THSD4: variants seen among roughly 807,000 people sequenced by gnomAD.
THSD4 encodes thrombospondin type-1 domain-containing protein 4.
Under a neutral mutation model 119.0 loss-of-function variants are expected in THSD4, and 69 were observed. The ratio of observed to expected loss-of-function variants is 0.58; its 90% CI spans 0.48 to 0.71. The LOEUF (loss-of-function observed/expected upper bound fraction) is 0.71, where lower values mean the gene tolerates loss of function less well. THSD4 is among the 30% of genes least tolerant of loss of function. The probability of loss-of-function intolerance (pLI) is 0.00; values close to 1 mark genes in which losing one functional copy is unlikely to be tolerated. For missense variants in THSD4, 1,393 were observed against 1,391.1 expected (o/e 1.00, Z -0.02); for synonymous variants, 524 against 540.4 (o/e 0.97, Z 0.42).
At chr15:71,151,162 AG>A (rs1277498043) in intron 2 of THSD4, among the ~76,000 whole-genome samples, 2 of 152,224 alleles carry the variant, frequency 1.3e-5, no homozygotes, top group African/African-American at 4.8e-5. Flanking sequence ...TGAGGGAACG[AG>A]TAGAATTGAC....
intron 7 of THSD4, among the ~76,000 whole-genome samples, chr15:71,502,958 T>TA (rs1487665663): frequency 6.6e-6 from 1 of 152,220 alleles, no homozygotes; most frequent in Non-Finnish European, 1.5e-5. Flanking sequence ...AGACTGAACT[T>TA]AGATACGGTT....
intron 1 of THSD4, among the ~76,000 whole-genome samples, chr15:71,123,960 C>T (rs1423565847): frequency 6.6e-6 from 1 of 152,210 alleles, no homozygotes; most frequent in Non-Finnish European, 1.5e-5. Context: ...TCACATTGCA[C>T]AGTGGGCTCA....
At chr15:71,162,816 TTTAA>T (rs1292830965) in intron 3 of THSD4, among the ~76,000 whole-genome samples, 1 of 152,068 alleles carries the variant, frequency 6.6e-6, no homozygotes, top group Non-Finnish European at 1.5e-5. Flanking sequence ...CTTTGTTCTT[TTTAA>T]TTCTTATTTC....
chr15:71,700,825 ATAAT>A (rs1416318359), intron 8 of THSD4, among the ~76,000 whole-genome samples: 1 of 152,106 alleles, frequency 6.6e-6, no homozygotes, highest in Non-Finnish European at 1.5e-5. Flanking sequence ...CATTAGGATA[ATAAT>A]TATTATTAAA....
chr15:71,414,108 T>G (rs2046725733), intron 7 of THSD4, among the ~76,000 whole-genome samples: 1 of 152,194 alleles, frequency 6.6e-6, no homozygotes, highest in Non-Finnish European at 1.5e-5. Flanking sequence ...TTCCACAGAT[T>G]TACTGTGTGA....
intron 6 of THSD4, among the ~76,000 whole-genome samples, chr15:71,373,518 C>T (rs1234371196): frequency 6.6e-6 from 1 of 152,176 alleles, no homozygotes; most frequent in South Asian, 2.1e-4. Context: ...AGCAAATCAT[C>T]ATTGAAACAC....
intron 7 of THSD4, among the ~76,000 whole-genome samples, chr15:71,605,822 G>A (rs189608461): frequency 6.6e-6 from 1 of 152,358 alleles, no homozygotes; most frequent in East Asian, 1.9e-4. Context: ...AGATTACCAA[G>A]TGTAGACAGA....
chr15:71,557,803 C>T (rs2140873808), intron 7 of THSD4, among the ~76,000 whole-genome samples: 2 of 152,290 alleles, frequency 1.3e-5, no homozygotes, highest in African/African-American at 4.8e-5. Flanking sequence ...ATCTGCAGAT[C>T]TCCAGGTGCT....
chr15:71,554,328 C>T lies in THSD4; in HGVS notation c.1153-106202C>T, dbSNP rs866428592. 2.6e-5 allele frequency among the ~76,000 whole-genome samples: 4 copies of T among 151,814 alleles called. No individual in the cohort carries two copies. In the South Asian group the frequency reaches 6.3e-4, roughly 24 times the overall value. On this transcript the variant is annotated intron_variant, in intron 7 of 17. Transcript: ENST00000261862. ...ACCAGGATGGTCTCCATCTCCTGAC[C>T]TCGTGATCTGCCCGCCTCGGCCTCC...
intron 10 of THSD4, chr15:71,731,461 C>A (rs1296604109): frequency 2.0e-6 from 1 of 504,562 alleles, no homozygotes; most frequent in East Asian, 3.5e-5. Flanking sequence ...TCTGCCCTGC[C>A]AGTTCAACAT....
intron 6 of THSD4, among the ~76,000 whole-genome samples, chr15:71,288,922 G>A (rs1374354036): frequency 4.6e-5 from 7 of 152,138 alleles, no homozygotes; most frequent in Non-Finnish European, 4.4e-5. Context: ...AACACTCAAT[G>A]GACAAATCCC....
chr15:71,281,862 TC>T (rs2140314611), intron 6 of THSD4, among the ~76,000 whole-genome samples: 1 of 152,350 alleles, frequency 6.6e-6, no homozygotes, highest in East Asian at 1.9e-4. Context: ...TAAAAAATGT[TC>T]CTATTTGTCG....
Position 71,661,799 on chromosome 15 carries a change from T to C in THSD4, c.1357+1065T>C, listed in dbSNP as rs373347302. Reference sequence around the variant, plus strand: ...TTTAATGAATAGCTATATTCATTTTTATCTTTTAATTATTTATTGAACAGG... The same window carrying C: ...TTTAATGAATAGCTATATTCATTTTCATCTTTTAATTATTTATTGAACAGG... On this transcript the variant is annotated intron_variant, in intron 8 of 17. Coordinates refer to ENST00000261862, the MANE Select transcript of THSD4 (RefSeq NM_024817.3). 2.7e-3 allele frequency among the ~76,000 whole-genome samples: 410 copies of C among 152,352 alleles called. 4 individuals are homozygous for C. Among genetic ancestry groups the C allele is most frequent in the African/African-American group, 9.5e-3 (397 of 41,578 alleles).
chr15:71,253,605 C>T (rs1316201244), intron 5 of THSD4, among the ~76,000 whole-genome samples: 2 of 152,072 alleles, frequency 1.3e-5, no homozygotes, highest in Non-Finnish European at 2.9e-5. Context: ...GACAGGGTTA[C>T]ACTATATTGG....
chr15:71,528,459 A>G (rs939686366), intron 7 of THSD4, among the ~76,000 whole-genome samples: 1 of 152,196 alleles, frequency 6.6e-6, no homozygotes, highest in African/African-American at 2.4e-5. Context: ...CACTCAAACC[A>G]AAGTGTAACT....
chr15:71,235,247 C>T (rs1265169558), intron 4 of THSD4, among the ~76,000 whole-genome samples: 1 of 152,146 alleles, frequency 6.6e-6, no homozygotes, highest in Non-Finnish European at 1.5e-5. Flanking sequence ...TAACCAGGAC[C>T]CTGTGATACT....
intron 6 of THSD4, among the ~76,000 whole-genome samples, chr15:71,272,387 ACT>A (rs1337327323): frequency 1.2e-4 from 14 of 112,108 alleles, no homozygotes; most frequent in African/African-American, 5.0e-4. Flanking sequence ...ACAAAGTGAG[ACT>A]CTGTCTCAAA....
intron 3 of THSD4, among the ~76,000 whole-genome samples, chr15:71,197,387 C>A (rs2043729464): frequency 6.6e-6 from 1 of 152,220 alleles, no homozygotes; most frequent in Non-Finnish European, 1.5e-5. Flanking sequence ...CAGTCCATCA[C>A]CCTTGATTTC....
chr15:71,731,609 G>GTC (rs938399770), intron 10 of THSD4: 1 of 187,598 alleles, frequency 5.3e-6, no homozygotes, highest in Non-Finnish European at 1.1e-5. Context: ...TGAAACCCCT[G>GTC]TCTCTACAAA....
Sources: allele counts gnomAD v4.1 joint callset (sites outside exome capture counted in the v4.1 genomes callset), GRCh38; gene constraint gnomAD v4.1.1; transcripts MANE v1.5; gene names NCBI Gene and HGNC (gene_info 2026-07-23, HGNC 2026-07-21).